Variants in RBL1 observed in about 807,000 individuals in gnomAD.
RBL1 encodes the protein RB transcriptional corepressor like 1.
In RBL1, 82 loss-of-function variants were observed where a neutral mutation model predicts 123.0. That is an observed-to-expected ratio of 0.67 (90% CI 0.56 to 0.80). RBL1 has a LOEUF of 0.80. Ranked by LOEUF, RBL1 falls within the 30% of genes least tolerant of loss-of-function variation. The pLI is 0.00. For missense variants in RBL1, 1,171 were observed against 1,299.6 expected, an observed-to-expected ratio of 0.90 and a Z score of 1.52; for synonymous variants, 405 against 441.3, an observed-to-expected ratio of 0.92 and a Z score of 1.03.
intron 19 of RBL1, among the ~76,000 whole-genome samples, chr20:37,011,323 G>A (rs2064144486): frequency 1.3e-5 from 2 of 152,120 alleles, no homozygotes; most frequent in African/African-American, 4.8e-5. Context: ...AGCCCATGAG[G>A]AGTGAGCTGG....
chr20:37,061,337 T>C, intron 8 of RBL1, 68 bp from the exon 9 acceptor site: 6 of 1,513,278 alleles, frequency 4.0e-6, no homozygotes, highest in South Asian at 1.4e-5. Flanking sequence ...TTTAATTCAG[T>C]GCATATACCA....
intron 11 of RBL1, among the ~76,000 whole-genome samples, chr20:37,052,369 T>A (rs1425635448): frequency 6.6e-6 from 1 of 152,050 alleles, no homozygotes; most frequent in Non-Finnish European, 1.5e-5. Context: ...TCTCTCTCTG[T>A]CTTCCACGTG....
intron 16 of RBL1, among the ~76,000 whole-genome samples, chr20:37,024,330 CAGAG>C (rs1373341003): frequency 6.6e-6 from 1 of 152,036 alleles, no homozygotes; most frequent in Admixed American, 6.6e-5. Context: ...AGGGTAAGAG[CAGAG>C]AGAAAGATGC....
chr20:37,007,238 A>G (rs2064089760), intron 20 of RBL1, among the ~76,000 whole-genome samples, 173 bp downstream of exon 20: 1 of 152,106 alleles, frequency 6.6e-6, no homozygotes, highest in African/African-American at 2.4e-5. Flanking sequence ...AACAGATCCC[A>G]TGATTTCCTC....
chr20:37,083,787 G>C (rs192324754), intron 2 of RBL1, among the ~76,000 whole-genome samples: 42 of 151,468 alleles, frequency 2.8e-4, no homozygotes, highest in Admixed American at 7.9e-4. Flanking sequence ...CTGGGCAACA[G>C]AGCAAGATTC....
intron 9 of RBL1, among the ~76,000 whole-genome samples, chr20:37,056,767 A>G (rs557827386): frequency 1.2e-4 from 18 of 152,332 alleles, no homozygotes; most frequent in African/African-American, 4.1e-4. Flanking sequence ...GTAAAATTAT[A>G]TAATAAAAAT....
intron 12 of RBL1, 64 bp from the exon 13 acceptor site, chr20:37,044,314 T>C (rs1314373676): frequency 2.7e-6 from 4 of 1,486,146 alleles, no homozygotes; most frequent in African/African-American, 1.4e-5. Context: ...TGGACTTGCA[T>C]GTAGGACTAG....
intron 9 of RBL1, among the ~76,000 whole-genome samples, chr20:37,057,180 T>C (rs922814012): frequency 6.6e-6 from 1 of 152,162 alleles, no homozygotes; most frequent in Non-Finnish European, 1.5e-5. Context: ...AAATATCCCT[T>C]TGAGATGCTG....
chr20:37,069,651 C>T (rs1271126027), intron 2 of RBL1, among the ~76,000 whole-genome samples: 4 of 151,188 alleles, frequency 2.6e-5, no homozygotes, highest in Admixed American at 6.6e-5. Flanking sequence ...GCAGCCGCCC[C>T]GTCTGAGAAG....
intron 2 of RBL1, among the ~76,000 whole-genome samples, chr20:37,071,821 A>T (rs2065285974): frequency 6.6e-6 from 1 of 151,974 alleles, no homozygotes; most frequent in Admixed American, 6.6e-5. Context: ...TCCCACCCTC[A>T]ATTGCTCCTG....
At chr20:37,012,755 C>G (rs1256560861) in intron 19 of RBL1, among the ~76,000 whole-genome samples, 2 of 150,212 alleles carry the variant, frequency 1.3e-5, no homozygotes, top group Non-Finnish European at 3.0e-5. Flanking sequence ...GTCAGCCCCC[C>G]GCCTGGCCAG....
chr20:37,043,080 G>A (rs1196337725), intron 13 of RBL1, among the ~76,000 whole-genome samples: 1 of 151,740 alleles, frequency 6.6e-6, no homozygotes, highest in East Asian at 1.9e-4. Flanking sequence ...AGGCTGAGAT[G>A]GGAGGACTGC....
At chr20:37,058,133 AAC>A (rs2065040885) in intron 9 of RBL1, among the ~76,000 whole-genome samples, 1 of 140,274 alleles carries the variant, frequency 7.1e-6, no homozygotes, top group African/African-American at 2.9e-5. Context: ...AAAAAAACAA[AAC>A]AAAACAAAAA....
Position 37,080,955 on chromosome 20 carries a change from C to G in RBL1, c.290+8034G>C, listed in dbSNP as rs190684318. Among the ~76,000 whole-genome samples the G allele has an allele frequency of 9.2e-5, 14 of 152,298 alleles. No homozygotes were observed. The East Asian group carries it at 2.7e-3, about 29-fold the overall frequency. On this transcript the variant is annotated intron_variant, in intron 2 of 21. Transcript: ENST00000373664. Reference sequence around the variant, plus strand: ...CAAGGATCCATCATCAGACTGTTCCCATAATACCTGTATGCATTGGGTGAA... The same window carrying G: ...CAAGGATCCATCATCAGACTGTTCCGATAATACCTGTATGCATTGGGTGAA...
intron 10 of RBL1, 147 bp downstream of exon 10, chr20:37,055,999 A>G: frequency 7.5e-7 from 1 of 1,329,826 alleles, no homozygotes; most frequent in Non-Finnish European, 9.9e-7. Context: ...GTGAGTCGAG[A>G]TCATGCCATT....
intron 18 of RBL1, among the ~76,000 whole-genome samples, chr20:37,018,781 T>A (rs556759694): frequency 9.2e-5 from 14 of 152,080 alleles, no homozygotes; most frequent in Non-Finnish European, 1.9e-4. Context: ...TGAAAGCCCA[T>A]CTCTACTAAA....
At chr20:37,073,811 G>C (rs1412689399) in intron 2 of RBL1, among the ~76,000 whole-genome samples, 1 of 151,840 alleles carries the variant, frequency 6.6e-6, no homozygotes, top group Non-Finnish European at 1.5e-5. Context: ...TTGAGCTGAG[G>C]AATTCGAGAT....
intron 2 of RBL1, among the ~76,000 whole-genome samples, chr20:37,087,147 T>C (rs1016761630): frequency 2.0e-5 from 3 of 152,100 alleles, no homozygotes; most frequent in Admixed American, 2.0e-4. Flanking sequence ...CCAGCCTGGC[T>C]AATATGGTGA....
chr20:37,047,560 G>A (rs2064835850), intron 11 of RBL1, among the ~76,000 whole-genome samples: 2 of 152,200 alleles, frequency 1.3e-5, no homozygotes, highest in African/African-American at 4.8e-5. Flanking sequence ...ATATGTCACA[G>A]TTTAGACAAA....
Sources: allele counts gnomAD v4.1 joint callset (sites outside exome capture counted in the v4.1 genomes callset), GRCh38; gene constraint gnomAD v4.1.1; transcripts MANE v1.5; gene names NCBI Gene and HGNC (gene_info 2026-07-23, HGNC 2026-07-21).